Variants in CENPL observed in about 807,000 individuals in gnomAD.
The protein encoded by CENPL is centromere protein L.
In CENPL, 20 loss-of-function variants were observed where a neutral mutation model predicts 35.2. That is an observed-to-expected ratio of 0.57 (90% CI 0.40 to 0.83). CENPL has a LOEUF of 0.83. Ranked by LOEUF, CENPL falls within the 40% of genes least tolerant of loss-of-function variation. The pLI is 0.00. For missense variants in CENPL, 363 were observed against 395.8 expected (o/e 0.92, Z 0.70); for synonymous variants, 140 against 140.6 (o/e 1.00, Z 0.03).
At chr1:173,818,019 G>C (rs902357463) in intron 2 of CENPL, among the ~76,000 whole-genome samples, 1 of 152,066 alleles carries the variant, frequency 6.6e-6, no homozygotes, top group Non-Finnish European at 1.5e-5. Context: ...TCAGTGGCTG[G>C]GGGAGGGATA....
chr1:173,817,052 C>T (rs980490161), intron 2 of CENPL, among the ~76,000 whole-genome samples: 115 of 152,154 alleles, frequency 7.6e-4, no homozygotes, highest in African/African-American at 2.6e-3. Context: ...GCAGGAGAAT[C>T]GCTGAACCCA....
intron 4 of CENPL, among the ~76,000 whole-genome samples, chr1:173,804,391 A>G (rs890776883): frequency 6.6e-5 from 10 of 152,224 alleles, no homozygotes; most frequent in Non-Finnish European, 1.2e-4. Flanking sequence ...CACCTATGAC[A>G]TACATTCACA....
In CENPL at chr1:173,815,634, T is replaced by C. The variant is rs890193292; in HGVS notation, c.-7-4328A>G. ...AGAAAAGGCCTTCAACAAAATTCAA[T>C]AGGCCTTCATGCTAAAAACTCTCCA... is the stretch of plus-strand genomic sequence containing the variant. On this transcript the variant is annotated intron_variant, in intron 2 of 5. Coordinates refer to ENST00000682279, the MANE Select transcript of CENPL (RefSeq NM_001387287.1). Among the ~76,000 whole-genome samples, 18 of 152,166 alleles carry C rather than the reference T, an allele frequency of 1.2e-4. No individual in the cohort carries two copies. The East Asian group carries it at 2.3e-3, about 20-fold the overall frequency.
At position 173,803,524 on chromosome 1, in the gene CENPL, G is replaced by A; in HGVS notation, c.421-19C>T. The A allele has an allele frequency of 2.0e-6, 3 of 1,526,214 alleles. No homozygotes were observed. Among genetic ancestry groups the A allele is most frequent in the Non-Finnish European group, 2.6e-6 (3 of 1,137,392 alleles). 94.5% of individuals were successfully genotyped at this position (1,526,214 alleles called of 1,614,324 possible). On this transcript the variant is annotated intron_variant, in intron 4 of 5. Coordinates refer to ENST00000682279, the MANE Select transcript of CENPL (RefSeq NM_001387287.1). ...ACACAATCTACAAAGAAAGTAAACA[G>A]GCTCCTTAAATTCAAAAGTACATTT...
chr1:173,819,899 G>C (rs1651786252), intron 2 of CENPL, among the ~76,000 whole-genome samples: 1 of 151,242 alleles, frequency 6.6e-6, no homozygotes, highest in Non-Finnish European at 1.5e-5. Context: ...AGTAGAGACA[G>C]TGTTTCACCA....
chr1:173,809,707 GAAGAA>G, intron 3 of CENPL, among the ~76,000 whole-genome samples: 1 of 152,134 alleles, frequency 6.6e-6, no homozygotes, highest in East Asian at 1.9e-4. Flanking sequence ...ACAATCATAT[GAAGAA>G]AAGTTCAACA....
intron 2 of CENPL, among the ~76,000 whole-genome samples, chr1:173,817,253 C>T (rs1651490094): frequency 6.6e-6 from 1 of 152,014 alleles, no homozygotes; most frequent in African/African-American, 2.4e-5. Context: ...GCAATCTACC[C>T]ATCAGACAAA....
At chr1:173,806,579 G>C (rs976710846) in intron 4 of CENPL, 1 of 294,856 alleles carries the variant, frequency 3.4e-6, no homozygotes, top group East Asian at 1.3e-4. Context: ...ATGAGACCCT[G>C]TCTCAAAAAA....
At chr1:173,820,980 T>C (rs1400730499) in intron 2 of CENPL, among the ~76,000 whole-genome samples, 2 of 152,166 alleles carry the variant, frequency 1.3e-5, no homozygotes, top group African/African-American at 4.8e-5. Context: ...AGTGAATACA[T>C]GACTCTACAC....
intron 2 of CENPL, 43 bp from the exon 3 acceptor site, chr1:173,811,349 GT>G (rs1650806871): frequency 7.7e-7 from 1 of 1,300,644 alleles, no homozygotes; most frequent in Non-Finnish European, 1.1e-6. Flanking sequence ...GCACTAAAAA[GT>G]TAATTCATGC....
chr1:173,816,156 A>C (rs967905680), intron 2 of CENPL, among the ~76,000 whole-genome samples: 2 of 152,248 alleles, frequency 1.3e-5, no homozygotes, highest in Admixed American at 1.3e-4. Context: ...AAGGAGAACT[A>C]CAAACCACTG....
In CENPL at chr1:173,799,997, T is replaced by C. The variant is rs1340368549; in HGVS notation, c.*451A>G. The C allele has an allele frequency of 6.6e-6, 1 of 152,504 alleles. No homozygotes were observed. The highest frequency in any genetic ancestry group is 1.5e-5 in the Non-Finnish European group (1 of 68,266). The allele number at this position is 152,504 out of a possible 1,614,324, so 9.4% of individuals were successfully genotyped here. A position where few individuals can be genotyped will look rare whatever the true frequency, so the allele number is the denominator to read the frequency against. On this transcript the variant is annotated 3_prime_UTR_variant, in exon 6 of 6. Transcript: ENST00000682279. ...GCCTCAGCCTCCCCAGTAGCTGGGATCATAGGCATGTGCCACCACGCCCAG... is the reference window on the plus strand; with the variant it reads ...GCCTCAGCCTCCCCAGTAGCTGGGACCATAGGCATGTGCCACCACGCCCAG...
At chr1:173,807,208 T>C in intron 4 of CENPL, 59 bp downstream of exon 4, 4 of 1,387,204 alleles carry the variant, frequency 2.9e-6, no homozygotes, top group Non-Finnish European at 3.8e-6. Flanking sequence ...TATTATAGTT[T>C]AGTCAAACAA....
rs2102562930 is a variant in CENPL, at chr1:173,803,021, G to A, written c.905C>T (p.Thr302Ile). 6.2e-7 allele frequency: 1 copy of A among 1,613,870 alleles called. No homozygotes were observed. Among genetic ancestry groups the A allele is most frequent in the Non-Finnish European group, 8.5e-7 (1 of 1,179,756 alleles). Residue 302 changes from threonine (T) to isoleucine (I), a missense_variant, in exon 5 of 6, where the codon ACA becomes ATA. Thr to Ile is a moderately conservative substitution (Grantham distance 89). Coordinates refer to ENST00000682279, the MANE Select transcript of CENPL (RefSeq NM_001387287.1). ...AGATGTTGAAACACGAACTAATCTT[G>A]TGGCTGATAAATGAATTTTGAAATG... is the stretch of plus-strand genomic sequence containing the variant. ...HRHFKIHLSA[T>I]RLVRVSTSVA...
chr1:173,812,884 AG>A (rs1650978907), intron 2 of CENPL, among the ~76,000 whole-genome samples: 1 of 152,206 alleles, frequency 6.6e-6, no homozygotes, highest in South Asian at 2.1e-4. Context: ...TCAGAGCTAA[AG>A]GAGCATGTTG....
Position 173,803,449 on chromosome 1 carries a change from A to T in CENPL, c.477T>A (p.Thr159=). ...CTCCAAATACACAGCAGAACCAGCC[A>T]GTCCACAGCACTTTACCTTCTCTAT... The part of the protein sequence containing the change: ...SENREGKVLW[T]GWFCCVFGDS... Residue 159 remains threonine, a synonymous_variant, in exon 5 of 6, where the codon ACT becomes ACA. Coordinates refer to ENST00000682279, the MANE Select transcript of CENPL (RefSeq NM_001387287.1). The T allele has an allele frequency of 6.2e-7, 1 of 1,612,452 alleles. No homozygotes were observed. The highest frequency in any genetic ancestry group is 8.5e-7 in the Non-Finnish European group (1 of 1,178,696).
At chr1:173,801,851 T>TA (rs895380549) in intron 5 of CENPL, among the ~76,000 whole-genome samples, 6 of 149,070 alleles carry the variant, frequency 4.0e-5, no homozygotes, top group South Asian at 2.1e-4. Context: ...ATAAAAATAG[T>TA]AAAAAAAGTA....
intron 2 of CENPL, among the ~76,000 whole-genome samples, chr1:173,818,643 C>G (rs1404740671): frequency 6.6e-6 from 1 of 152,096 alleles, no homozygotes; most frequent in African/African-American, 2.4e-5. Flanking sequence ...TGAATGAGCT[C>G]TCATCTCTAA....
rs776986729 is a variant in CENPL, at chr1:173,811,141, C to T, written c.159G>A (p.Ser53=). The part of the protein sequence containing the change: ...TPPRRKIPQC[S]QLQEDVDPQK... ...GACACAAAAAGCATACCTGCAACTG[C>T]GAACACTGGGGAATTTTCCTTCGAG... Residue 53 remains serine, a synonymous_variant, in exon 3 of 6, where the codon TCG becomes TCA. Transcript: ENST00000682279. 50 of 1,611,528 alleles carry T rather than the reference C, an allele frequency of 3.1e-5. No homozygotes were observed. The East Asian group carries it at 6.5e-4, about 21-fold the overall frequency.
Sources: allele counts gnomAD v4.1 joint callset (sites outside exome capture counted in the v4.1 genomes callset), GRCh38; gene constraint gnomAD v4.1.1; transcripts MANE v1.5; gene names NCBI Gene and HGNC (gene_info 2026-07-23, HGNC 2026-07-21).